ANKRD11: variants seen among roughly 807,000 people sequenced by gnomAD.
ANKRD11 encodes ankyrin repeat domain 11, also known as ankyrin repeat domain-containing protein 11.
In ANKRD11, 17 loss-of-function variants were observed where a neutral mutation model predicts 195.7. The ratio of observed to expected loss-of-function variants is 0.09; its 90% confidence interval spans 0.06 to 0.13. The LOEUF (loss-of-function observed/expected upper bound fraction) is 0.13. Ranked by LOEUF, ANKRD11 falls within the 10% of genes least tolerant of loss-of-function variation. The pLI, the probability that ANKRD11 is intolerant of heterozygous loss-of-function variation, is 1.00. For missense variants in ANKRD11, 3,735 were observed against 3,566.1 expected (o/e 1.05, Z -1.21); for synonymous variants, 1,953 against 1,528.1 (o/e 1.28, Z -6.49).
At chr16:89,294,028 A>T (rs2035252901) in intron 4 of ANKRD11, among the ~76,000 whole-genome samples, 2 of 152,122 alleles carry the variant, frequency 1.3e-5, no homozygotes, top group Non-Finnish European at 2.9e-5. Context: ...GCTCACACCC[A>T]ACATGTGCAG....
intron 1 of ANKRD11, among the ~76,000 whole-genome samples, chr16:89,423,128 G>A (rs564490860): frequency 3.7e-4 from 57 of 152,274 alleles, no homozygotes; most frequent in Non-Finnish European, 4.9e-4. Context: ...GCTCCCTCCC[G>A]TGAGCCACCT....
rs185769662 is a variant in ANKRD11, at chr16:89,337,688, C to T, written c.-59-20610G>A. On this transcript the variant is annotated intron_variant, in intron 2 of 12. Coordinates refer to ENST00000301030, the MANE Select transcript of ANKRD11 (RefSeq NM_013275.6). ...ATCTCCTGACCTCGGGATCCACCCG[C>T]CTCGGCCTCCCAAAGTGCTGGGATT... is the stretch of plus-strand genomic sequence containing the variant. 3.8e-3 allele frequency among the ~76,000 whole-genome samples: 582 copies of T among 152,218 alleles called. 2 individuals are homozygous for T. Among genetic ancestry groups the T allele is most frequent in the African/African-American group, 0.014 (562 of 41,540 alleles).
At chr16:89,382,391 T>C (rs777215374) in intron 2 of ANKRD11, among the ~76,000 whole-genome samples, 1 of 152,042 alleles carries the variant, frequency 6.6e-6, no homozygotes, top group Non-Finnish European at 1.5e-5. Context: ...AATGGTGCAA[T>C]CTCGGCTCAC....
intron 2 of ANKRD11, among the ~76,000 whole-genome samples, chr16:89,361,132 G>A (rs1255737936): frequency 3.3e-5 from 5 of 152,264 alleles, no homozygotes; most frequent in Non-Finnish European, 1.5e-5. Context: ...AGACACCCTG[G>A]CTAGGCCCGT....
At chr16:89,330,984 C>A (rs1356547624) in intron 2 of ANKRD11, among the ~76,000 whole-genome samples, 1 of 152,220 alleles carries the variant, frequency 6.6e-6, no homozygotes, top group East Asian at 1.9e-4. Flanking sequence ...GACGGAGTCT[C>A]ACTTTGTCGC....
In ANKRD11 at chr16:89,370,928, C is replaced by T. The variant is rs143565085; in HGVS notation, c.-60+47356G>A. On this transcript the variant is annotated intron_variant, in intron 2 of 12. Coordinates refer to ENST00000301030, the MANE Select transcript of ANKRD11 (RefSeq NM_013275.6). ...CAAGAACAGAACCCTGCAGGCGCCA[C>T]GAGACGCCCAAGAACCAAGCCCTGC... is the stretch of plus-strand genomic sequence containing the variant. Among the ~76,000 whole-genome samples the T allele has an allele frequency of 1.8e-3, 280 of 152,250 alleles. 1 individual carries two copies. Among genetic ancestry groups the T allele is most frequent in the African/African-American group, 4.9e-3 (204 of 41,540 alleles).
intron 2 of ANKRD11, among the ~76,000 whole-genome samples, chr16:89,410,834 A>T (rs910790532): frequency 1.3e-5 from 2 of 152,210 alleles, no homozygotes; most frequent in Non-Finnish European, 1.5e-5. Flanking sequence ...GGGGGTGGGG[A>T]GTGGCCAACT....
chr16:89,381,222 C>T (rs2044204148), intron 2 of ANKRD11, among the ~76,000 whole-genome samples: 1 of 151,384 alleles, frequency 6.6e-6, no homozygotes, highest in Non-Finnish European at 1.5e-5. Flanking sequence ...ATCCCAGCCA[C>T]TGGGGAGGCT....
intron 1 of ANKRD11, among the ~76,000 whole-genome samples, chr16:89,432,973 TCTCTCTCTCTCTCTCTC>T (rs1287449409): frequency 1.3e-5 from 2 of 148,668 alleles, no homozygotes; most frequent in African/African-American, 5.1e-5. Context: ...TCTCTCTCTC[TCTCTCTCTCTCTCTCTC>T]CTCTCTCTCA....
Position 89,385,076 on chromosome 16 carries a change from A to G in ANKRD11, c.-60+33208T>C, listed in dbSNP as rs1358838885. On this transcript the variant is annotated intron_variant, in intron 2 of 12. Transcript: ENST00000301030. ...AATTTTTGTATTTTTAGTAGAGACG[A>G]TATTTCACCATGTTGGCCAGGCTGG... 2.6e-5 allele frequency among the ~76,000 whole-genome samples: 4 copies of G among 151,362 alleles called. 1 individual carries two copies. The highest frequency in any genetic ancestry group is 6.8e-3 in the Middle Eastern group (2 of 294).
intron 2 of ANKRD11, among the ~76,000 whole-genome samples, chr16:89,354,744 T>C (rs2039391628): frequency 6.6e-6 from 1 of 152,110 alleles, no homozygotes; most frequent in South Asian, 2.1e-4. Context: ...TAGCCGGGCA[T>C]GGTGGCGAGC....
chr16:89,397,767 A>G (rs1381911037), intron 2 of ANKRD11, among the ~76,000 whole-genome samples: 1 of 152,234 alleles, frequency 6.6e-6, no homozygotes, highest in Non-Finnish European at 1.5e-5. Flanking sequence ...CTTCTGATTG[A>G]CAGGCAAGGG....
At chr16:89,459,441 T>G (rs564661796) in intron 1 of ANKRD11, 1 of 152,188 alleles carries the variant, frequency 6.6e-6, no homozygotes, top group African/African-American at 2.4e-5. Context: ...CAAAAAAGAC[T>G]AACTCTAAGC....
intron 3 of ANKRD11, among the ~76,000 whole-genome samples, chr16:89,312,528 G>A (rs1351240873): frequency 6.6e-6 from 1 of 152,236 alleles, no homozygotes; most frequent in Non-Finnish European, 1.5e-5. Flanking sequence ...GGGAAGAGAA[G>A]CGGATCCAAG....
chr16:89,303,944 G>A (rs2036001051), intron 4 of ANKRD11, among the ~76,000 whole-genome samples: 1 of 152,198 alleles, frequency 6.6e-6, no homozygotes, highest in African/African-American at 2.4e-5. Context: ...TACGCCTTGT[G>A]CTATGGCTGC....
intron 2 of ANKRD11, among the ~76,000 whole-genome samples, chr16:89,352,745 T>C (rs956764372): frequency 2.6e-5 from 4 of 152,164 alleles, no homozygotes; most frequent in East Asian, 1.9e-4. Context: ...CCTCTGAAAA[T>C]GTGTGTGCTC....
intron 1 of ANKRD11, among the ~76,000 whole-genome samples, chr16:89,486,705 T>C (rs2057626299): frequency 6.6e-6 from 1 of 152,078 alleles, no homozygotes; most frequent in South Asian, 2.1e-4. Flanking sequence ...TGGGACGTTA[T>C]CATAAAAATA....
At chr16:89,366,019 T>C (rs913366889) in intron 2 of ANKRD11, among the ~76,000 whole-genome samples, 4 of 151,840 alleles carry the variant, frequency 2.6e-5, no homozygotes, top group Admixed American at 1.3e-4. Flanking sequence ...GCTCTATCCA[T>C]GTTCCACAAA....
chr16:89,393,716 C>T (rs967446941), intron 2 of ANKRD11, among the ~76,000 whole-genome samples: 1 of 151,864 alleles, frequency 6.6e-6, no homozygotes, highest in African/African-American at 2.4e-5. Context: ...GCAGCCGGGC[C>T]GATGGAAACA....
Sources: gnomAD v4.1 joint callset for allele counts (sites outside exome capture counted in the v4.1 genomes callset) on GRCh38, gnomAD v4.1.1 for gene constraint, MANE v1.5 for transcripts, NCBI Gene and HGNC (gene_info 2026-07-23, HGNC 2026-07-21) for gene names.